The following HSD17B11 variants were observed in gnomAD, a reference collection of about 807,000 sequenced individuals.
HSD17B11 encodes hydroxysteroid 17-beta dehydrogenase 11.
A neutral mutation model predicts 27.8 loss-of-function variants in HSD17B11; 22 were observed. That is an observed-to-expected ratio of 0.79 (90% confidence interval 0.56 to 1.13). The LOEUF is 1.13. Among genes scored for constraint, HSD17B11 ranks in the 50% most tolerant of loss-of-function variants. HSD17B11 has a pLI of 0.00. For synonymous variants in HSD17B11, 117 were observed against 132.8 expected (o/e 0.88, Z 0.82); for missense variants, 314 against 351.1 (o/e 0.89, Z 0.84).
At chr4:87,360,772 A>G (rs1462700596) in intron 4 of HSD17B11, among the ~76,000 whole-genome samples, 1 of 152,200 alleles carries the variant, frequency 6.6e-6, no homozygotes, top group Non-Finnish European at 1.5e-5. Flanking sequence ...GGGCAGTTTA[A>G]GTTTTTTGTT....
chr4:87,361,564 G>T (rs540331712), intron 4 of HSD17B11, among the ~76,000 whole-genome samples: 229 of 152,144 alleles, frequency 1.5e-3, no homozygotes, highest in African/African-American at 5.3e-3. Context: ...TCAGGAGATC[G>T]AGACCATCCT....
intron 4 of HSD17B11, among the ~76,000 whole-genome samples, chr4:87,363,229 G>T (rs1265078275): frequency 6.6e-6 from 1 of 152,172 alleles, no homozygotes; most frequent in Non-Finnish European, 1.5e-5. Flanking sequence ...AGCCTGGCAT[G>T]CCAGCAAAAG....
intron 4 of HSD17B11, among the ~76,000 whole-genome samples, chr4:87,371,317 G>A (rs761965782): frequency 5.9e-5 from 9 of 151,988 alleles, no homozygotes; most frequent in African/African-American, 9.7e-5. Flanking sequence ...ACCATAACAC[G>A]GATAAATCTC....
chr4:87,363,841 A>G (rs547046174), intron 4 of HSD17B11, among the ~76,000 whole-genome samples: 2 of 152,310 alleles, frequency 1.3e-5, no homozygotes, highest in Non-Finnish European at 2.9e-5. Flanking sequence ...CTGATTTAAT[A>G]TATGTGTCTA....
intron 2 of HSD17B11, among the ~76,000 whole-genome samples, chr4:87,380,863 C>CAAAAAA (rs561938045): frequency 2.8e-4 from 21 of 74,724 alleles, no homozygotes; most frequent in African/African-American, 7.6e-4. Context: ...GACTCTATCT[C>CAAAAAA]AAAAAAAAAA....
chr4:87,363,746 C>T (rs1015541670), intron 4 of HSD17B11, among the ~76,000 whole-genome samples: 1 of 152,128 alleles, frequency 6.6e-6, no homozygotes, highest in Non-Finnish European at 1.5e-5. Context: ...TAGACACTGC[C>T]CAGACCTGTA....
intron 1 of HSD17B11, chr4:87,385,735 G>A (rs1049225142): frequency 1.3e-5 from 2 of 151,948 alleles, no homozygotes; most frequent in African/African-American, 4.8e-5. Flanking sequence ...CCAATATAGT[G>A]AAACCCTGCC....
At chr4:87,387,338 G>T (rs1046920607) in intron 1 of HSD17B11, among the ~76,000 whole-genome samples, 2 of 152,200 alleles carry the variant, frequency 1.3e-5, no homozygotes, top group African/African-American at 2.4e-5. Flanking sequence ...GGACACTGCT[G>T]TCCTCATTAC....
intron 1 of HSD17B11, among the ~76,000 whole-genome samples, chr4:87,389,464 T>C (rs1242629971): frequency 1.3e-5 from 2 of 152,166 alleles, no homozygotes; most frequent in Admixed American, 1.3e-4. Context: ...CCTCAGGTCA[T>C]CTGCCCGCCT....
chr4:87,371,837 C>T (rs1449015700), intron 4 of HSD17B11, among the ~76,000 whole-genome samples: 1 of 152,142 alleles, frequency 6.6e-6, no homozygotes, highest in Non-Finnish European at 1.5e-5. Context: ...AAGAGGAGTT[C>T]TCTAAGGGCT....
intron 1 of HSD17B11, among the ~76,000 whole-genome samples, chr4:87,389,202 T>C (rs1401501732): frequency 1.3e-5 from 2 of 152,086 alleles, no homozygotes; most frequent in African/African-American, 4.8e-5. Context: ...AATTACTTTT[T>C]TATTTATTAA....
chr4:87,386,768 G>A (rs1181121587), intron 1 of HSD17B11: 2 of 152,036 alleles, frequency 1.3e-5, no homozygotes, highest in African/African-American at 2.4e-5. Flanking sequence ...TTTAAATTAT[G>A]CCCATTATTC....
At chr4:87,343,619 C>T (rs1735214418) in intron 5 of HSD17B11, among the ~76,000 whole-genome samples, 1 of 149,450 alleles carries the variant, frequency 6.7e-6, no homozygotes, top group African/African-American at 2.5e-5. Flanking sequence ...ACGATCTCAG[C>T]TCACTGCAAC....
intron 4 of HSD17B11, among the ~76,000 whole-genome samples, chr4:87,362,835 C>A (rs1277899245): frequency 6.6e-6 from 1 of 152,186 alleles, no homozygotes; most frequent in Admixed American, 6.5e-5. Context: ...AGTGTTGCTG[C>A]AATAGGTGGG....
At chr4:87,388,758 A>G (rs2110136212) in intron 1 of HSD17B11, among the ~76,000 whole-genome samples, 1 of 152,336 alleles carries the variant, frequency 6.6e-6, no homozygotes, top group Non-Finnish European at 1.5e-5. Context: ...TCTGCATTAG[A>G]ACAGTGCCTA....
At chr4:87,357,949 A>ATTTTTTTTTTTTTTTTTTTTTT (rs57139706) in intron 4 of HSD17B11, among the ~76,000 whole-genome samples, 4 of 80,238 alleles carry the variant, frequency 5.0e-5, no homozygotes, top group Non-Finnish European at 7.3e-5. Flanking sequence ...CATTAGAGAA[A>ATTTTTTTTTTTTTTTTTTTTTT]TTTTTTTTTT....
intron 2 of HSD17B11, among the ~76,000 whole-genome samples, chr4:87,376,806 G>C (rs1268647599): frequency 6.6e-6 from 1 of 152,178 alleles, no homozygotes; most frequent in Non-Finnish European, 1.5e-5. Context: ...TAGCTGCTAA[G>C]AGCAATAGAA....
rs183104890 is a variant in HSD17B11, at chr4:87,368,055, T to C, written c.557+4654A>G. Among the ~76,000 whole-genome samples the C allele has an allele frequency of 6.9e-3, 1,044 of 152,274 alleles. 13 individuals are homozygous for C. The highest frequency in any genetic ancestry group is 0.024 in the African/African-American group (1,004 of 41,566). ...AGAGTCGGCTAGGCACGGTGGCTCATGCCTGTAATCCCAGCACTTTGGGGG... is the reference window on the plus strand; with the variant it reads ...AGAGTCGGCTAGGCACGGTGGCTCACGCCTGTAATCCCAGCACTTTGGGGG... On this transcript the variant is annotated intron_variant, in intron 4 of 6. Coordinates refer to ENST00000358290, the MANE Select transcript of HSD17B11 (RefSeq NM_016245.5).
intron 5 of HSD17B11, among the ~76,000 whole-genome samples, chr4:87,343,919 C>T (rs1735219914): frequency 1.3e-5 from 2 of 152,090 alleles, no homozygotes; most frequent in Non-Finnish European, 2.9e-5. Context: ...TGCAGTGGTG[C>T]AGTGGCAAAT....
Sources: gnomAD v4.1 joint callset for allele counts (sites outside exome capture counted in the v4.1 genomes callset) on GRCh38, gnomAD v4.1.1 for gene constraint, MANE v1.5 for transcripts, NCBI Gene and HGNC (gene_info 2026-07-23, HGNC 2026-07-21) for gene names.